NEURL1B: variants seen among roughly 807,000 people sequenced by gnomAD.
NEURL1B encodes E3 ubiquitin-protein ligase NEURL1B.
In NEURL1B, 13 loss-of-function variants were observed where a neutral mutation model predicts 37.4. The observed-to-expected ratio is 0.35, with a 90% confidence interval of 0.23 to 0.55. The LOEUF (loss-of-function observed/expected upper bound fraction) is 0.55. Among genes scored for constraint, NEURL1B ranks in the 20% least tolerant of loss-of-function variants. The pLI is 0.89. For synonymous variants in NEURL1B, 432 were observed against 426.6 expected, an observed-to-expected ratio of 1.01 and a Z score of -0.16; for missense variants, 790 against 879.2, an observed-to-expected ratio of 0.90 and a Z score of 1.28.
chr5:172,689,513 A>C lies in NEURL1B; in HGVS notation c.*2588A>C, dbSNP rs1202517999. 1 of 152,226 alleles carries C rather than the reference A, an allele frequency of 6.6e-6. No homozygotes were observed. The highest frequency in any genetic ancestry group is 6.5e-5 in the Admixed American group (1 of 15,286). 9.4% of individuals were successfully genotyped at this position (152,226 alleles called of 1,614,324 possible). Reference sequence around the variant, plus strand: ...ATGCTACAACTGTACAGTTCCTTCCAATCAGAGATGTTCACGTGTGAAAAA... The same window carrying C: ...ATGCTACAACTGTACAGTTCCTTCCCATCAGAGATGTTCACGTGTGAAAAA... On this transcript the variant is annotated 3_prime_UTR_variant, in exon 5 of 5. Transcript: ENST00000369800.
At chr5:172,678,630 C>A (rs2012836) in intron 2 of NEURL1B, among the ~76,000 whole-genome samples, 48,355 of 139,100 alleles carry the variant, frequency 0.35, 7,970 homozygotes, top group East Asian at 0.43. Flanking sequence ...GTAAGTGACA[C>A]CACCCCCTTG....
Position 172,675,280 on chromosome 5 carries a change from A to G in NEURL1B, c.577+4950A>G, listed in dbSNP as rs932027887. Among the ~76,000 whole-genome samples, 4 of 152,098 alleles carry G rather than the reference A, an allele frequency of 2.6e-5. No individual in the cohort carries two copies. Among genetic ancestry groups the G allele is most frequent in the African/African-American group, 9.7e-5 (4 of 41,404 alleles). On this transcript the variant is annotated intron_variant, in intron 2 of 4. Transcript: ENST00000369800. This position sits in a 1 kb window ranked among gnomAD's most constrained non-coding sequence, Gnocchi z 4.7. ...TTTCTTTTTCCACTCACCCTTCTTTAGGATCTATCTGTACTGTGGTATGCC... is the reference window on the plus strand; with the variant it reads ...TTTCTTTTTCCACTCACCCTTCTTTGGGATCTATCTGTACTGTGGTATGCC...
intron 2 of NEURL1B, among the ~76,000 whole-genome samples, chr5:172,678,952 G>A (rs1216491856): frequency 6.6e-6 from 1 of 152,244 alleles, no homozygotes; most frequent in African/African-American, 2.4e-5. Context: ...GAAGAGCTAG[G>A]CCCTGGAAGT....
chr5:172,686,671 C>T lies in NEURL1B; in HGVS notation c.1424-10C>T. 1 of 1,547,902 alleles carries T rather than the reference C, an allele frequency of 6.5e-7. No homozygotes were observed. On this transcript the variant is annotated splice_polypyrimidine_tract_variant and intron_variant, in intron 4 of 4. Transcript: ENST00000369800. The surrounding 1 kb of genome is among the most constrained non-coding windows in gnomAD (Gnocchi z 7.9). ...ATTGTTAACATATGTCCTCTTCTCC[C>T]TTTCGGCAGTGACGGCCCCCAGCTC...
chr5:172,674,148 AAAATT>A (rs1345924864), intron 2 of NEURL1B, among the ~76,000 whole-genome samples: 9 of 144,968 alleles, frequency 6.2e-5, no homozygotes, highest in African/African-American at 8.6e-5. Context: ...TCAAAAAAAA[AAAATT>A]AAATTAAATA....
At chr5:172,669,363 C>A (rs7718156) in intron 1 of NEURL1B, among the ~76,000 whole-genome samples, 46,991 of 152,108 alleles carry the variant, frequency 0.31, 10,325 homozygotes, top group African/African-American at 0.63. Context: ...CTCCACTACT[C>A]ACCCTAAGAA....
chr5:172,683,697 C>A lies in NEURL1B; in HGVS notation c.856C>A (p.Arg286Ser). 7.4e-7 allele frequency: 1 copy of A among 1,354,178 alleles called. No homozygotes were observed. Among genetic ancestry groups the A allele is most frequent in the Non-Finnish European group, 9.6e-7 (1 of 1,045,634 alleles). The allele number at this position is 1,354,178 out of a possible 1,614,324, so 83.9% of individuals were successfully genotyped here. A position where few individuals can be genotyped will look rare whatever the true frequency, so the allele number is the denominator to read the frequency against. ...GGCCGACCTGCGCTTCCACGCAACA[C>A]GCGGGCCCGACGTGAGCCTGTCGGC... is the stretch of plus-strand genomic sequence containing the variant. The part of the protein sequence containing the change: ...LEADLRFHAT[R>S]GPDVSLSADR... The change falls in exon 3 of 5, where the codon CGC becomes AGC. Residue 286 changes from arginine to serine, a missense_variant. Coordinates refer to ENST00000369800, the MANE Select transcript of NEURL1B (RefSeq NM_001142651.3). This position sits in a 1 kb window ranked among gnomAD's most constrained non-coding sequence, Gnocchi z 5.6.
At chr5:172,679,278 C>T (rs1758300047) in intron 2 of NEURL1B, among the ~76,000 whole-genome samples, 1 of 152,286 alleles carries the variant, frequency 6.6e-6, no homozygotes, top group African/African-American at 2.4e-5. Context: ...CCTCTCAGCG[C>T]CTCAGTGTTC....
intron 1 of NEURL1B, among the ~76,000 whole-genome samples, chr5:172,666,460 G>T (rs563535857): frequency 6.6e-6 from 1 of 152,308 alleles, no homozygotes; most frequent in East Asian, 1.9e-4. Context: ...GGACATTGTT[G>T]GTTGCTAGTA....
rs930465601 is a variant in NEURL1B at position 172,687,793 on chromosome 5, G to A, written c.*868G>A. Reference sequence around the variant, plus strand: ...AGCAGTAAGTTCTGTTTTTCTGTGGGAGAGAAAGAATCCTAGAGGCAGGTG... The same window carrying A: ...AGCAGTAAGTTCTGTTTTTCTGTGGAAGAGAAAGAATCCTAGAGGCAGGTG... On this transcript the variant is annotated 3_prime_UTR_variant, in exon 5 of 5. Transcript: ENST00000369800. 1 of 152,100 alleles carries A rather than the reference G, an allele frequency of 6.6e-6. No homozygotes were observed. The highest frequency in any genetic ancestry group is 2.4e-5 in the African/African-American group (1 of 41,388). 9.4% of individuals were successfully genotyped at this position (152,100 alleles called of 1,614,324 possible). A position where few individuals can be genotyped will look rare whatever the true frequency, so the allele number is the denominator to read the frequency against.
At position 172,683,916 on chromosome 5, in the gene NEURL1B, C is replaced by T; in HGVS notation, c.1075C>T (p.Pro359Ser). ...ACGGCCCAACGAGCTGCCCGCCGAC[C>T]CAGACGCGCTGCTCGACCGCAAAGA... ...VLRPNELPAD[P>S]DALLDRKEYW... is the part of the protein sequence containing the mutation. Residue 359 changes from proline to serine, a missense_variant, in exon 3 of 5, where the codon CCA becomes TCA. By Grantham distance (74) the Pro-to-Ser change is moderately conservative. Around this residue, in one of 3 missense-constraint regions of NEURL1B, gnomAD observed 460 missense variants for 407.4 expected, o/e 1.13. Transcript: ENST00000369800. The surrounding 1 kb of genome is among the most constrained non-coding windows in gnomAD (Gnocchi z 5.6). 7.1e-7 allele frequency: 1 copy of T among 1,409,884 alleles called. No homozygotes were observed. The highest frequency in any genetic ancestry group is 3.3e-5 in the East Asian group (1 of 30,668). 87.3% of individuals were successfully genotyped at this position (1,409,884 alleles called of 1,614,324 possible).
At position 172,690,948 on chromosome 5, in the gene NEURL1B, A is replaced by G. The variant is rs1044346462; in HGVS notation, c.*4023A>G. ...GAGTCCGTCCAGTTGAGGCAGAGGCAATAACCTCCCATTGCTCGGCCCTGC... is the reference window on the plus strand; with the variant it reads ...GAGTCCGTCCAGTTGAGGCAGAGGCGATAACCTCCCATTGCTCGGCCCTGC... On this transcript the variant is annotated 3_prime_UTR_variant, in exon 5 of 5. Transcript: ENST00000369800. 6.6e-6 allele frequency: 1 copy of G among 152,152 alleles called. No individual in the cohort carries two copies. Among genetic ancestry groups the G allele is most frequent in the Non-Finnish European group, 1.5e-5 (1 of 68,038 alleles). The allele number at this position is 152,152 out of a possible 1,614,324, so 9.4% of individuals were successfully genotyped here. A position where few individuals can be genotyped will look rare whatever the true frequency, so the allele number is the denominator to read the frequency against.
chr5:172,685,548 G>C (rs1222814808), intron 3 of NEURL1B, among the ~76,000 whole-genome samples: 1 of 152,172 alleles, frequency 6.6e-6, no homozygotes, highest in African/African-American at 2.4e-5. Context: ...GGATCTTCTC[G>C]CAAGGGGCAA....
intron 1 of NEURL1B, among the ~76,000 whole-genome samples, chr5:172,651,434 C>A (rs189285456): frequency 1.1e-4 from 17 of 152,306 alleles, no homozygotes; most frequent in African/African-American, 4.1e-4. Context: ...ACTTTTTTAG[C>A]CATCCTATAA....
chr5:172,651,467 T>C (rs1279993788), intron 1 of NEURL1B, among the ~76,000 whole-genome samples: 2 of 152,238 alleles, frequency 1.3e-5, no homozygotes, highest in Non-Finnish European at 2.9e-5. Flanking sequence ...CCCGAGTTGC[T>C]GGCTAACTCA....
intron 3 of NEURL1B, among the ~76,000 whole-genome samples, chr5:172,684,997 AT>A (rs1455345164): frequency 3.3e-5 from 5 of 152,346 alleles, no homozygotes; most frequent in Admixed American, 2.6e-4. Flanking sequence ...CTTTGACTCT[AT>A]TGAAATCAGT....
rs1039998061 is a variant in NEURL1B at position 172,656,410 on chromosome 5, C to G, written c.32-13375C>G. 1.1e-5 allele frequency: 8 copies of G among 759,052 alleles called. No individual in the cohort carries two copies. The East Asian group carries it at 2.2e-4, about 21-fold the overall frequency. 47.0% of individuals were successfully genotyped at this position (759,052 alleles called of 1,614,324 possible). A position where few individuals can be genotyped will look rare whatever the true frequency, so the allele number is the denominator to read the frequency against. On this transcript the variant is annotated intron_variant, in intron 1 of 4. Coordinates refer to ENST00000369800, the MANE Select transcript of NEURL1B (RefSeq NM_001142651.3). The stretch of plus-strand genomic sequence containing the variant: ...TCTTAAATGTACAACAGCTCCAAGA[C>G]AACACTTAATTCCAGCTATACGTGG...
At chr5:172,670,641 G>A (rs1758110865) in intron 2 of NEURL1B, among the ~76,000 whole-genome samples, 1 of 152,006 alleles carries the variant, frequency 6.6e-6, no homozygotes, top group Non-Finnish European at 1.5e-5. Flanking sequence ...TAGTTTATTT[G>A]CTCATTCATT....
rs768572781 is a variant in NEURL1B, at chr5:172,665,758, G to A, written c.32-4027G>A. On this transcript the variant is annotated intron_variant, in intron 1 of 4. Coordinates refer to ENST00000369800, the MANE Select transcript of NEURL1B (RefSeq NM_001142651.3). This position sits in a 1 kb window ranked among gnomAD's most constrained non-coding sequence, Gnocchi z 4.1. ...TCCCCTCTGCTCCCTCTCCTCCCTC[G>A]AGACCTGGCTCAGTGGGCATCCCAC... 7.4e-6 allele frequency among the ~76,000 whole-genome samples: 1 copy of A among 135,824 alleles called. No homozygotes were observed. The highest frequency in any genetic ancestry group is 1.5e-5 in the Non-Finnish European group (1 of 65,152). 89.1% of individuals were successfully genotyped at this position (135,824 alleles called of 152,430 possible). A position where few individuals can be genotyped will look rare whatever the true frequency, so the allele number is the denominator to read the frequency against.
Sources: allele counts gnomAD v4.1 joint callset (sites outside exome capture counted in the v4.1 genomes callset), GRCh38; gene constraint gnomAD v4.1.1; regional missense constraint gnomAD v4.1.1; non-coding constraint Gnocchi (gnomAD v3.1); transcripts MANE v1.5; gene names NCBI Gene and HGNC (gene_info 2026-07-23, HGNC 2026-07-21).